The following ZEB1 variants were observed in gnomAD, a reference collection of about 807,000 sequenced individuals.
ZEB1 encodes zinc finger E-box-binding homeobox 1.
ZEB1 carries 21 observed loss-of-function variants against 84.9 expected under a neutral mutation model. The observed-to-expected ratio is 0.25, with a 90% confidence interval of 0.18 to 0.36. The LOEUF (loss-of-function observed/expected upper bound fraction) is 0.36. Among genes scored for constraint, ZEB1 ranks in the 10% least tolerant of loss-of-function variants. ZEB1 has a pLI of 1.00. For synonymous variants in ZEB1, 420 were observed against 471.1 expected, an observed-to-expected ratio of 0.89 and a Z score of 1.41; for missense variants, 1,104 against 1,330.2, an observed-to-expected ratio of 0.83 and a Z score of 2.65.
At chr10:31,404,601 G>A (rs546749363) in intron 1 of ZEB1, among the ~76,000 whole-genome samples, 1 of 152,114 alleles carries the variant, frequency 6.6e-6, no homozygotes, top group African/African-American at 2.4e-5. Flanking sequence ...GTTCATCTTT[G>A]TATGCATTTT....
At chr10:31,453,764 A>G (rs2060876295) in intron 1 of ZEB1, among the ~76,000 whole-genome samples, 1 of 152,186 alleles carries the variant, frequency 6.6e-6, no homozygotes, top group Admixed American at 6.5e-5. Flanking sequence ...GGCAGTAATT[A>G]ATAGCCTCCC....
chr10:31,522,001 T>G lies in ZEB1; in HGVS notation c.2604+65T>G. 3 of 1,607,524 alleles carry G rather than the reference T, an allele frequency of 1.9e-6. No homozygotes were observed. The South Asian group carries it at 3.3e-5, about 18-fold the overall frequency. Reference sequence around the variant, plus strand: ...GCTATTTGACTAATTTCAATTAACTTTGTCTAATAAATATCAGTCCCGTAG... The same window carrying G: ...GCTATTTGACTAATTTCAATTAACTGTGTCTAATAAATATCAGTCCCGTAG... On this transcript the variant is annotated intron_variant, in intron 7 of 8. Coordinates refer to ENST00000424869, the MANE Select transcript of ZEB1 (RefSeq NM_001174096.2).
Position 31,381,135 on chromosome 10 carries a change from G to A in ZEB1, c.58+61843G>A, listed in dbSNP as rs192490259. Among the ~76,000 whole-genome samples, 849 of 152,100 alleles carry A rather than the reference G, an allele frequency of 5.6e-3. 13 individuals are homozygous for A. The highest frequency in any genetic ancestry group is 0.019 in the African/African-American group (784 of 41,494). On this transcript the variant is annotated intron_variant, in intron 1 of 8. Transcript: ENST00000424869. ...ATTTTTGTTACAAATTTGTCCACCC[G>A]TCATCACTAACCCCATTTTTATTTA...
rs545421072 is a variant in ZEB1, at chr10:31,436,342, G to A, written c.59-24695G>A. Among the ~76,000 whole-genome samples the A allele has an allele frequency of 2.4e-3, 364 of 152,276 alleles. 2 individuals are homozygous for A. The highest frequency in any genetic ancestry group is 8.4e-3 in the African/African-American group (350 of 41,558). ...GAGAAGTTCAGAAAGATTTGATTAA[G>A]TACTTGTCAATGAAGTCTTTAATAA... On this transcript the variant is annotated intron_variant, in intron 1 of 8. Coordinates refer to ENST00000424869, the MANE Select transcript of ZEB1 (RefSeq NM_001174096.2).
rs759321015 is a variant in ZEB1 at position 31,368,131 on chromosome 10, A to C, written c.58+48839A>C. 2.6e-5 allele frequency among the ~76,000 whole-genome samples: 4 copies of C among 151,468 alleles called. 1 individual carries two copies. The highest frequency in any genetic ancestry group is 2.0e-4 in the Admixed American group (3 of 15,224). ...GTCCCACAGTATTTGCATGTAAGCT[A>C]TGCATATCCTCTCATGTACTTTATT... On this transcript the variant is annotated intron_variant, in intron 1 of 8. Transcript: ENST00000424869.
Position 31,523,409 on chromosome 10 carries a change from C to T in ZEB1, c.2605-524C>T, listed in dbSNP as rs563570778. Among the ~76,000 whole-genome samples, 5 of 152,166 alleles carry T rather than the reference C, an allele frequency of 3.3e-5. No individual in the cohort carries two copies. The East Asian group carries it at 5.8e-4, about 18-fold the overall frequency. ...CACACCTCTCTCTTTTCAAGGAGACCGTGGAGGTTAAAGAACCCTGAAGTT... is the reference window on the plus strand; with the variant it reads ...CACACCTCTCTCTTTTCAAGGAGACTGTGGAGGTTAAAGAACCCTGAAGTT... On this transcript the variant is annotated intron_variant, in intron 7 of 8. Coordinates refer to ENST00000424869, the MANE Select transcript of ZEB1 (RefSeq NM_001174096.2).
intron 1 of ZEB1, chr10:31,321,738 CTCGTA>C: frequency 1.5e-6 from 1 of 671,956 alleles, no homozygotes; most frequent in Non-Finnish European, 2.6e-6. Context: ...GAATATTACA[CTCGTA>C]AGGCATATCA....
intron 3 of ZEB1, among the ~76,000 whole-genome samples, chr10:31,501,871 G>C (rs2068194485): frequency 6.6e-6 from 1 of 152,138 alleles, no homozygotes; most frequent in African/African-American, 2.4e-5. Flanking sequence ...GTATTCACCT[G>C]ATTTCATATT....
At chr10:31,458,545 T>G (rs1428691206) in intron 1 of ZEB1, among the ~76,000 whole-genome samples, 1 of 152,046 alleles carries the variant, frequency 6.6e-6, no homozygotes, top group East Asian at 1.9e-4. Flanking sequence ...TGACACGTAT[T>G]TTCTCATTAC....
intron 2 of ZEB1, among the ~76,000 whole-genome samples, chr10:31,469,479 C>T (rs371032379): frequency 6.6e-6 from 1 of 152,284 alleles, no homozygotes; most frequent in African/African-American, 2.4e-5. Context: ...CGGGTCACTC[C>T]CACCCGAATA....
At chr10:31,489,321 T>C (rs2066170939) in intron 2 of ZEB1, among the ~76,000 whole-genome samples, 1 of 151,402 alleles carries the variant, frequency 6.6e-6, no homozygotes, top group Non-Finnish European at 1.5e-5. Flanking sequence ...TTTTTCATGA[T>C]AGAATTTTTT....
chr10:31,395,279 A>G (rs1035060929), intron 1 of ZEB1, among the ~76,000 whole-genome samples: 4 of 152,074 alleles, frequency 2.6e-5, no homozygotes, highest in Non-Finnish European at 5.9e-5. Context: ...CTTTTCCTAA[A>G]TGTGTTAGGA....
At chr10:31,360,726 A>C (rs1235260251) in intron 1 of ZEB1, among the ~76,000 whole-genome samples, 1 of 152,260 alleles carries the variant, frequency 6.6e-6, no homozygotes, top group Non-Finnish European at 1.5e-5. Context: ...ACGTTGAAAT[A>C]TTTTATGAAT....
rs1427532208 is a variant in ZEB1 at position 31,529,398 on chromosome 10, AG to A, written c.*2136del. The A allele has an allele frequency of 1.3e-5, 2 of 152,240 alleles. No homozygotes were observed. The highest frequency in any genetic ancestry group is 2.9e-5 in the Non-Finnish European group (2 of 68,034). The allele number at this position is 152,240 out of a possible 1,614,324, so 9.4% of individuals were successfully genotyped here. On this transcript the variant is annotated 3_prime_UTR_variant, in exon 9 of 9. Transcript: ENST00000424869. Reference sequence around the variant, plus strand: ...GTCAGAGTTGACAAAACCTCTTCACAGGTTGCTCCTTCTTCCTGAAATCCTT... The same window carrying A: ...GTCAGAGTTGACAAAACCTCTTCACAGTTGCTCCTTCTTCCTGAAATCCTT...
Position 31,521,011 on chromosome 10 carries a change from C to T in ZEB1, c.1679C>T (p.Pro560Leu). Residue 560 changes from proline (P) to leucine (L), a missense_variant, in exon 7 of 9, where the codon CCT (proline) becomes CTT (leucine). By Grantham distance (98) the Pro-to-Leu change is moderately conservative (BLOSUM62 -3). Coordinates refer to ENST00000424869, the MANE Select transcript of ZEB1 (RefSeq NM_001174096.2). ...GACCTAAAGCAGCCTACTCAGCCTCCTCCACTCCCTGCAGCAGAAGCTGAG... is the reference window on the plus strand; with the variant it reads ...GACCTAAAGCAGCCTACTCAGCCTCTTCCACTCCCTGCAGCAGAAGCTGAG... ...HYDLKQPTQP[P>L]PLPAAEAEKP... The T allele has an allele frequency of 6.2e-7, 1 of 1,614,104 alleles. No individual in the cohort carries two copies. The highest frequency in any genetic ancestry group is 1.3e-5 in the African/African-American group (1 of 75,044).
intron 2 of ZEB1, among the ~76,000 whole-genome samples, chr10:31,484,428 G>A (rs2065462087): frequency 6.6e-6 from 1 of 151,918 alleles, no homozygotes; most frequent in South Asian, 2.1e-4. Context: ...TCTAATCCTT[G>A]CAATACTGTA....
chr10:31,500,265 C>G (rs1401276950), intron 3 of ZEB1, among the ~76,000 whole-genome samples: 1 of 152,030 alleles, frequency 6.6e-6, no homozygotes, highest in Non-Finnish European at 1.5e-5. Context: ...CTGATTTGTT[C>G]TGCTTTAGCT....
At chr10:31,526,433 G>C (rs1298993288) in intron 8 of ZEB1, among the ~76,000 whole-genome samples, 1 of 152,114 alleles carries the variant, frequency 6.6e-6, no homozygotes, top group East Asian at 1.9e-4. Context: ...GCATTTCAAT[G>C]TCATGTAGCT....
chr10:31,443,375 A>G (rs2059285642), intron 1 of ZEB1, among the ~76,000 whole-genome samples: 1 of 149,114 alleles, frequency 6.7e-6, no homozygotes, highest in African/African-American at 2.5e-5. Flanking sequence ...TGGCCTTCTT[A>G]TTCCAGGTTT....
Sources: gnomAD v4.1 joint callset for allele counts (sites outside exome capture counted in the v4.1 genomes callset) on GRCh38, gnomAD v4.1.1 for gene constraint, MANE v1.5 for transcripts, NCBI Gene and HGNC (gene_info 2026-07-23, HGNC 2026-07-21) for gene names.